The following TARDBP variants were observed in gnomAD, a reference collection of about 807,000 sequenced individuals.
TARDBP encodes the protein TAR DNA-binding protein 43.
A neutral mutation model predicts 38.3 loss-of-function variants in TARDBP; 4 were observed. The observed-to-expected ratio is 0.10, with a 90% CI of 0.05 to 0.24. TARDBP has a LOEUF of 0.24. Among genes scored for constraint, TARDBP ranks in the 10% least tolerant of loss-of-function variants. The pLI is 1.00. For synonymous variants in TARDBP, 184 were observed against 183.8 expected, an observed-to-expected ratio of 1.00 and a Z score of -0.01; for missense variants, 202 against 521.9, an observed-to-expected ratio of 0.39 and a Z score of 5.97.
At chr1:11,027,213 C>G (rs1480258064), downstream of TARDBP, 2 of 1,614,096 alleles carry the variant, frequency 1.2e-6, no homozygotes, top group South Asian at 1.1e-5. Flanking sequence ...AAGAAAACCC[C>G]TTTGGGTTAA....
intron 1 of TARDBP, among the ~76,000 whole-genome samples, 180 bp from the exon 2 acceptor site, chr1:11,013,536 G>C (rs1643456746): frequency 6.6e-6 from 1 of 152,184 alleles, no homozygotes; most frequent in Non-Finnish European, 1.5e-5. Flanking sequence ...ATCACATTTT[G>C]ATAGGAAATC....
chr1:11,017,092 T>TACCCC, intron 3 of TARDBP, 85 bp downstream of exon 3: 2 of 1,423,866 alleles, frequency 1.4e-6, no homozygotes, highest in Non-Finnish European at 2.0e-6. Flanking sequence ...AGAGATGGGG[T>TACCCC]ATCACTATGT....
At chr1:11,018,505 A>G in intron 3 of TARDBP, 1 of 597,650 alleles carries the variant, frequency 1.7e-6, no homozygotes, top group Non-Finnish European at 2.9e-6. Context: ...CTCTTTTTTA[A>G]AAAACTCAAA....
At position 11,023,503 on chromosome 1, in the gene TARDBP, C is replaced by T. The variant is rs1643679520; in HGVS notation, c.*849C>T. On this transcript the variant is annotated 3_prime_UTR_variant, in exon 6 of 6. Coordinates refer to ENST00000240185, the MANE Select transcript of TARDBP (RefSeq NM_007375.4). ...GTATGAGCGAGAAAAGGAGAGAGCGCGTGCAGAGACTTGGTGGTGCATAAT... is the reference window on the plus strand; with the variant it reads ...GTATGAGCGAGAAAAGGAGAGAGCGTGTGCAGAGACTTGGTGGTGCATAAT... The T allele has an allele frequency of 1.9e-6, 1 of 527,970 alleles. No homozygotes were observed. The highest frequency in any genetic ancestry group is 3.4e-6 in the Non-Finnish European group (1 of 296,504). 32.7% of individuals were successfully genotyped at this position (527,970 alleles called of 1,614,324 possible). A position where few individuals can be genotyped will look rare whatever the true frequency, so the allele number is the denominator to read the frequency against.
chr1:11,018,175 C>G (rs1026827276), intron 3 of TARDBP, among the ~76,000 whole-genome samples: 2 of 152,126 alleles, frequency 1.3e-5, no homozygotes, highest in Admixed American at 6.6e-5. Context: ...AGCTACTGTG[C>G]CTGGCCTCTC....
chr1:11,019,696 A>G (rs1643598155), intron 4 of TARDBP, among the ~76,000 whole-genome samples: 1 of 151,490 alleles, frequency 6.6e-6, no homozygotes, highest in African/African-American at 2.4e-5. Context: ...CCTGCCGAGT[A>G]GCTGGGACTA....
At chr1:11,021,781 T>G (rs565950644) in intron 5 of TARDBP, among the ~76,000 whole-genome samples, 6 of 146,200 alleles carry the variant, frequency 4.1e-5, no homozygotes, top group Non-Finnish European at 9.1e-5. Flanking sequence ...TTTTTTGTGG[T>G]TTTTTTTGAT....
At chr1:11,017,542 AGAT>A (rs1362347019) in intron 3 of TARDBP, among the ~76,000 whole-genome samples, 1 of 152,118 alleles carries the variant, frequency 6.6e-6, no homozygotes, top group Admixed American at 6.6e-5. Context: ...TCTGTTACAC[AGAT>A]GATACTTCCA....
intron 3 of TARDBP, 48 bp from the exon 4 acceptor site, chr1:11,018,685 T>C (rs745930824): frequency 6.2e-7 from 1 of 1,613,428 alleles, no homozygotes; most frequent in Non-Finnish European, 8.5e-7. Context: ...GGGAATGGAG[T>C]GTGTGAGTAT....
At position 11,024,231 on chromosome 1, in the gene TARDBP, A is replaced by G. The variant is rs1442417893; in HGVS notation, c.*1577A>G. 6.6e-6 allele frequency: 1 copy of G among 152,612 alleles called. No individual in the cohort carries two copies. 9.5% of individuals were successfully genotyped at this position (152,612 alleles called of 1,614,324 possible). A position where few individuals can be genotyped will look rare whatever the true frequency, so the allele number is the denominator to read the frequency against. ...CACCTGTCATGCATTGACACCTGATACCCAGACTTAATTGGTATTTGTTCT... is the reference window on the plus strand; with the variant it reads ...CACCTGTCATGCATTGACACCTGATGCCCAGACTTAATTGGTATTTGTTCT... On this transcript the variant is annotated 3_prime_UTR_variant, in exon 6 of 6. Coordinates refer to ENST00000240185, the MANE Select transcript of TARDBP (RefSeq NM_007375.4).
chr1:11,027,562 T>C (rs750318110), downstream of TARDBP: 9 of 1,614,170 alleles, frequency 5.6e-6, no homozygotes, highest in East Asian at 2.2e-5. Context: ...CCACCTAATA[T>C]CAGGACTTGC....
chr1:11,018,006 C>T (rs567573599), intron 3 of TARDBP, among the ~76,000 whole-genome samples: 17 of 152,244 alleles, frequency 1.1e-4, no homozygotes, highest in African/African-American at 3.9e-4. Context: ...CCTCAGCCTC[C>T]CAAGTAGCTG....
At chr1:11,014,010 GGT>G (rs1357892415) in intron 2 of TARDBP, 45 bp downstream of exon 2, 2 of 1,580,656 alleles carry the variant, frequency 1.3e-6, no homozygotes, top group Non-Finnish European at 1.7e-6. Flanking sequence ...AGTGTGTTCA[GGT>G]GTGTGTCTCA....
At chr1:11,019,005 T>C (rs1482015483) in intron 4 of TARDBP, 132 bp downstream of exon 4, 1 of 1,329,948 alleles carries the variant, frequency 7.5e-7, no homozygotes, top group East Asian at 2.3e-5. Context: ...TGTTGAAGTC[T>C]TTGGCCCTTA....
downstream of TARDBP, chr1:11,027,662 C>A: frequency 6.3e-7 from 1 of 1,585,838 alleles, no homozygotes; most frequent in African/African-American, 1.4e-5. Flanking sequence ...GAGAAAGAAG[C>A]AGATAGGTAG....
chr1:11,030,023 T>C (rs573014685), downstream of TARDBP: 1 of 580,992 alleles, frequency 1.7e-6, no homozygotes, highest in East Asian at 3.0e-5. Context: ...GGGAAGGGGG[T>C]AATGAGAACA....
Position 11,022,447 on chromosome 1 carries a change from G to A in TARDBP, c.1038G>A (p.Gln346=), listed in dbSNP as rs1308704849. Residue 346 remains glutamine (Q), a synonymous_variant, in exon 6 of 6, where the codon CAG becomes CAA. Transcript: ENST00000240185. This position sits in a 1 kb window ranked among gnomAD's most constrained non-coding sequence, Gnocchi z 4.5. The part of the protein sequence containing the change: ...MMGMLASQQN[Q]SGPSGNNQNQ... ...GCATGTTAGCCAGCCAGCAGAACCA[G>A]TCAGGCCCATCGGGTAATAACCAAA... is the stretch of plus-strand genomic sequence containing the variant. The A allele has an allele frequency of 6.2e-7, 1 of 1,613,458 alleles. No homozygotes were observed. Among genetic ancestry groups the A allele is most frequent in the East Asian group, 2.2e-5 (1 of 44,894 alleles).
chr1:11,016,727 AGT>A (rs1643532528), intron 2 of TARDBP, 115 bp from the exon 3 acceptor site: 2 of 1,075,234 alleles, frequency 1.9e-6, no homozygotes, highest in African/African-American at 1.6e-5. Flanking sequence ...CCAAGTTTTC[AGT>A]GTCTTATTCT....
At chr1:11,018,663 G>A in intron 3 of TARDBP, 70 bp from the exon 4 acceptor site, 1 of 1,606,964 alleles carries the variant, frequency 6.2e-7, no homozygotes, top group Non-Finnish European at 8.5e-7. Context: ...GTTTTCTAAG[G>A]AACTATGATT....
Sources: allele counts gnomAD v4.1 joint callset (sites outside exome capture counted in the v4.1 genomes callset), GRCh38; gene constraint gnomAD v4.1.1; non-coding constraint Gnocchi (gnomAD v3.1); transcripts MANE v1.5; gene names NCBI Gene and HGNC (gene_info 2026-07-23, HGNC 2026-07-21).